MYO1B: variants seen among roughly 807,000 people sequenced by gnomAD.
MYO1B encodes myosin IB, also known as unconventional myosin-Ib.
A neutral mutation model predicts 159.7 loss-of-function variants in MYO1B; 72 were observed. The observed-to-expected ratio is 0.45, with a 90% CI of 0.37 to 0.55. The LOEUF (loss-of-function observed/expected upper bound fraction) is 0.55, where lower values mean the gene tolerates loss of function less well. Among genes scored for constraint, MYO1B ranks in the 20% least tolerant of loss-of-function variants. The pLI is 0.00. For missense variants in MYO1B, 1,062 were observed against 1,364.8 expected, an observed-to-expected ratio of 0.78 and a Z score of 3.50; for synonymous variants, 468 against 473.8, an observed-to-expected ratio of 0.99 and a Z score of 0.16.
At chr2:191,340,062 A>C (rs1692112157) in intron 4 of MYO1B, among the ~76,000 whole-genome samples, 1 of 152,162 alleles carries the variant, frequency 6.6e-6, no homozygotes, top group Non-Finnish European at 1.5e-5. Context: ...GAGACAAAGC[A>C]GGATGTGGAG....
In MYO1B at chr2:191,322,521, G is replaced by C. The variant is rs543920831; in HGVS notation, c.252-7414G>C. 3.9e-5 allele frequency among the ~76,000 whole-genome samples: 6 copies of C among 152,228 alleles called. No homozygotes were observed. The South Asian group carries it at 1.0e-3, about 26-fold the overall frequency. On this transcript the variant is annotated intron_variant, in intron 3 of 30. Coordinates refer to ENST00000392318, the MANE Select transcript of MYO1B (RefSeq NM_001130158.3). Reference sequence around the variant, plus strand: ...GTAACTCTTAGCAAGCTGGTCCTGGGCGGGGCAGACTTGAGGATGTCCATT... The same window carrying C: ...GTAACTCTTAGCAAGCTGGTCCTGGCCGGGGCAGACTTGAGGATGTCCATT...
At chr2:191,398,849 C>T (rs1179721338) in intron 21 of MYO1B, among the ~76,000 whole-genome samples, 1 of 151,900 alleles carries the variant, frequency 6.6e-6, no homozygotes, top group East Asian at 1.9e-4. Flanking sequence ...ACGCTCCTCA[C>T]TTCCCAGACG....
At chr2:191,372,620 G>A (rs929662907) in intron 13 of MYO1B, among the ~76,000 whole-genome samples, 11 of 152,088 alleles carry the variant, frequency 7.2e-5, no homozygotes, top group Non-Finnish European at 1.3e-4. Context: ...ACTATATTAC[G>A]TTTTAAAAGT....
intron 3 of MYO1B, among the ~76,000 whole-genome samples, chr2:191,322,419 C>G (rs1179113092): frequency 6.6e-6 from 1 of 152,098 alleles, no homozygotes; most frequent in Non-Finnish European, 1.5e-5. Flanking sequence ...TGCAATCCAC[C>G]TTTGAAAAAG....
intron 5 of MYO1B, among the ~76,000 whole-genome samples, chr2:191,344,656 C>G (rs569638587): frequency 1.3e-4 from 19 of 151,630 alleles, no homozygotes; most frequent in African/African-American, 4.6e-4. Flanking sequence ...CGGTGAAACC[C>G]CGTCTCTACT....
At chr2:191,267,923 G>C (rs55727088) in intron 1 of MYO1B, among the ~76,000 whole-genome samples, 1 of 152,172 alleles carries the variant, frequency 6.6e-6, no homozygotes, top group East Asian at 1.9e-4. Flanking sequence ...GATGGAAACC[G>C]TCCTGGACAG....
intron 3 of MYO1B, among the ~76,000 whole-genome samples, chr2:191,317,752 A>G (rs941571707): frequency 6.6e-6 from 1 of 152,196 alleles, no homozygotes. Flanking sequence ...ACCCAAATGA[A>G]AAATTTTAAC....
intron 1 of MYO1B, among the ~76,000 whole-genome samples, chr2:191,268,116 G>A (rs1024840906): frequency 6.6e-6 from 1 of 152,170 alleles, no homozygotes; most frequent in African/African-American, 2.4e-5. Flanking sequence ...GAAGTATTTT[G>A]GCATATTGGT....
At chr2:191,342,906 C>CAA (rs111813322) in intron 5 of MYO1B, among the ~76,000 whole-genome samples, 3,203 of 145,764 alleles carry the variant, frequency 0.022, 99 homozygotes, top group African/African-American at 0.074. Flanking sequence ...GACTCTGTCT[C>CAA]AAAAAAAAAA....
intron 27 of MYO1B, among the ~76,000 whole-genome samples, chr2:191,411,564 C>T (rs1364713428): frequency 1.3e-5 from 2 of 152,146 alleles, no homozygotes; most frequent in African/African-American, 4.8e-5. Context: ...GTCTTCCTGC[C>T]ATAGCAAGCA....
chr2:191,247,440 T>G (rs565558015), intron 1 of MYO1B, among the ~76,000 whole-genome samples: 3 of 152,192 alleles, frequency 2.0e-5, no homozygotes, highest in Admixed American at 6.5e-5. Flanking sequence ...AAGCTACTGC[T>G]GAGGGTTTGT....
chr2:191,373,490 G>A (rs1051839103), intron 13 of MYO1B, among the ~76,000 whole-genome samples: 3 of 152,152 alleles, frequency 2.0e-5, no homozygotes, highest in Non-Finnish European at 4.4e-5. Flanking sequence ...CTCACCTACT[G>A]TTCATCTGGG....
intron 17 of MYO1B, among the ~76,000 whole-genome samples, chr2:191,389,497 C>T (rs1335719150): frequency 6.6e-6 from 1 of 152,178 alleles, no homozygotes; most frequent in Non-Finnish European, 1.5e-5. Context: ...GATGGCTGTC[C>T]ACCGTGTCAA....
At chr2:191,408,315 T>C (rs930883799) in intron 25 of MYO1B, 126 bp downstream of exon 25, 11 of 621,150 alleles carry the variant, frequency 1.8e-5, no homozygotes, top group Non-Finnish European at 3.1e-5. Flanking sequence ...AATTAAATCA[T>C]AGCTGTGACA....
intron 1 of MYO1B, among the ~76,000 whole-genome samples, chr2:191,269,467 C>T (rs1444262321): frequency 1.5e-5 from 2 of 133,528 alleles, no homozygotes; most frequent in Non-Finnish European, 3.4e-5. Context: ...CATGGGTGTA[C>T]CAACATCTGT....
At chr2:191,420,645 A>T (rs531911342) in intron 30 of MYO1B, among the ~76,000 whole-genome samples, 3 of 152,344 alleles carry the variant, frequency 2.0e-5, no homozygotes, top group East Asian at 3.9e-4. Context: ...TTATTAGATG[A>T]TGCATGACTA....
At chr2:191,323,230 T>C (rs1574426164) in intron 3 of MYO1B, among the ~76,000 whole-genome samples, 3 of 152,266 alleles carry the variant, frequency 2.0e-5, no homozygotes, top group Middle Eastern at 6.8e-3. Flanking sequence ...GCTGGCTTTT[T>C]TTTAACCACA....
intron 21 of MYO1B, among the ~76,000 whole-genome samples, chr2:191,399,912 CAACT>C (rs1351995826): frequency 6.6e-6 from 1 of 152,120 alleles, no homozygotes; most frequent in Non-Finnish European, 1.5e-5. Context: ...CAGTTTCCAG[CAACT>C]AATGGAAAGA....
chr2:191,377,854 A>G (rs1694804428), intron 13 of MYO1B: 1 of 152,198 alleles, frequency 6.6e-6, no homozygotes, highest in Non-Finnish European at 1.5e-5. Context: ...GTGTGTCTTT[A>G]GCCTTCACTT....
Sources: allele counts gnomAD v4.1 joint callset (sites outside exome capture counted in the v4.1 genomes callset), GRCh38; gene constraint gnomAD v4.1.1; transcripts MANE v1.5; gene names NCBI Gene and HGNC (gene_info 2026-07-23, HGNC 2026-07-21).